TENM2: variants seen among roughly 807,000 people sequenced by gnomAD.
TENM2 encodes teneurin transmembrane protein 2.
TENM2 carries 52 observed loss-of-function variants against 245.2 expected under a neutral mutation model. The observed-to-expected ratio is 0.21, with a 90% CI of 0.17 to 0.27. The LOEUF is 0.27. TENM2 is among the 10% of genes least tolerant of loss of function. The pLI is 1.00. For synonymous variants in TENM2, 1,363 were observed against 1,438.9 expected (o/e 0.95, Z 1.19); for missense variants, 3,046 against 3,666.8 (o/e 0.83, Z 4.37).
intron 2 of TENM2, among the ~76,000 whole-genome samples, chr5:167,543,827 A>G (rs769555529): frequency 8.5e-5 from 13 of 152,146 alleles, no homozygotes; most frequent in Non-Finnish European, 1.9e-4. Context: ...CTTGTGTCAC[A>G]CAGAGTTCCC....
At chr5:167,443,510 G>T (rs1221287360) in intron 2 of TENM2, among the ~76,000 whole-genome samples, 1 of 152,080 alleles carries the variant, frequency 6.6e-6, no homozygotes, top group African/African-American at 2.4e-5. Context: ...ACCTGCCGTA[G>T]ACTTCATTTG....
intron 1 of TENM2, among the ~76,000 whole-genome samples, chr5:167,338,378 G>A (rs909188766): frequency 4.6e-5 from 7 of 152,068 alleles, no homozygotes; most frequent in East Asian, 3.9e-4. Flanking sequence ...TGTCCATTAC[G>A]GGTTAACTAG....
chr5:166,983,217 A>G, the TENM2 span, among the ~76,000 whole-genome samples: 1 of 152,126 alleles, frequency 6.6e-6, no homozygotes, highest in Non-Finnish European at 1.5e-5. Flanking sequence ...TGTTTTCCCT[A>G]AAATTAATGT....
intron 2 of TENM2, among the ~76,000 whole-genome samples, chr5:167,401,038 CTG>C (rs1364041022): frequency 1.3e-5 from 2 of 151,994 alleles, no homozygotes; most frequent in African/African-American, 2.4e-5. Flanking sequence ...CTGCAGTAAA[CTG>C]TGATTTTGCC....
chr5:167,625,121 A>G (rs754406033), intron 2 of TENM2, among the ~76,000 whole-genome samples: 1 of 152,138 alleles, frequency 6.6e-6, no homozygotes, highest in Non-Finnish European at 1.5e-5. Flanking sequence ...ACAGGGAGAC[A>G]TGTTTAGACT....
At chr5:167,245,254 G>A in the TENM2 span, among the ~76,000 whole-genome samples, 7 of 152,270 alleles carry the variant, frequency 4.6e-5, no homozygotes, top group South Asian at 1.0e-3. Context: ...TGGGCAAACG[G>A]CAAAGAAACT....
At chr5:167,991,589 C>T (rs916290217) in intron 4 of TENM2, among the ~76,000 whole-genome samples, 15 of 152,170 alleles carry the variant, frequency 9.9e-5, no homozygotes, top group African/African-American at 3.4e-4. Flanking sequence ...GCGACAGACT[C>T]CCGACCCTGA....
chr5:167,242,944 T>C, the TENM2 span, among the ~76,000 whole-genome samples: 4 of 151,820 alleles, frequency 2.6e-5, no homozygotes, highest in East Asian at 1.9e-4. Context: ...AAACGCAAAA[T>C]AGAATCTTTC....
intron 4 of TENM2, among the ~76,000 whole-genome samples, chr5:167,961,022 G>A (rs749059472): frequency 1.4e-4 from 21 of 152,208 alleles, no homozygotes; most frequent in Non-Finnish European, 3.1e-4. Context: ...CCCTCTGTGG[G>A]CTGTACCCAC....
At chr5:167,339,619 T>A (rs1358293531) in intron 1 of TENM2, among the ~76,000 whole-genome samples, 1 of 152,146 alleles carries the variant, frequency 6.6e-6, no homozygotes, top group African/African-American at 2.4e-5. Flanking sequence ...TTTTTTATTT[T>A]TTGCATTTTA....
Position 168,062,673 on chromosome 5 carries a change from G to A in TENM2, c.1515+408G>A, listed in dbSNP as rs576272458. Among the ~76,000 whole-genome samples the A allele has an allele frequency of 2.0e-4, 31 of 152,230 alleles. No homozygotes were observed. The South Asian group carries it at 3.1e-3, about 15-fold the overall frequency. ...TGGCTAAACAAAATCCGATATAGCC[G>A]TACCATTAGTCAGATATAGAAAGGA... On this transcript the variant is annotated intron_variant, in intron 7 of 28. Coordinates refer to ENST00000518659, the Ensembl canonical transcript of TENM2.
At chr5:167,033,864 A>C in the TENM2 span, among the ~76,000 whole-genome samples, 1 of 152,218 alleles carries the variant, frequency 6.6e-6, no homozygotes, top group Non-Finnish European at 1.5e-5. Flanking sequence ...GTCATTCAAC[A>C]TGTGTGACTC....
chr5:167,028,751 T>C, the TENM2 span, among the ~76,000 whole-genome samples: 1 of 152,112 alleles, frequency 6.6e-6, no homozygotes, highest in Non-Finnish European at 1.5e-5. Flanking sequence ...TCCAATTCAA[T>C]GTGTCCGCTC....
At chr5:167,109,604 A>G in the TENM2 span, among the ~76,000 whole-genome samples, 1 of 152,134 alleles carries the variant, frequency 6.6e-6, no homozygotes, top group Admixed American at 6.5e-5. Flanking sequence ...CAGTGCTATA[A>G]ACCCTTTAAT....
At chr5:168,120,254 A>G (rs938116294) in intron 10 of TENM2, among the ~76,000 whole-genome samples, 2 of 152,156 alleles carry the variant, frequency 1.3e-5, no homozygotes, top group Admixed American at 1.3e-4. Flanking sequence ...TTTTTCCTCT[A>G]TTATAAAAGG....
chr5:167,118,111 T>C, the TENM2 span, among the ~76,000 whole-genome samples: 1 of 152,362 alleles, frequency 6.6e-6, no homozygotes, highest in Admixed American at 6.5e-5. Flanking sequence ...TGTTATTTTA[T>C]CAAGACTATT....
chr5:168,022,634 G>A (rs1289816828), intron 5 of TENM2, among the ~76,000 whole-genome samples: 1 of 152,186 alleles, frequency 6.6e-6, no homozygotes, highest in Non-Finnish European at 1.5e-5. Flanking sequence ...AAAATAGTGG[G>A]GGTGAAGGAA....
At chr5:167,890,396 A>C (rs994697651) in intron 3 of TENM2, among the ~76,000 whole-genome samples, 1 of 152,112 alleles carries the variant, frequency 6.6e-6, no homozygotes, top group Non-Finnish European at 1.5e-5. Context: ...ATCATCACTT[A>C]TGTTTGTGTA....
chr5:167,842,406 TG>T (rs1276378185), intron 2 of TENM2, among the ~76,000 whole-genome samples: 51 of 151,820 alleles, frequency 3.4e-4, no homozygotes, highest in Admixed American at 6.6e-5. Flanking sequence ...CTGGCCAACT[TG>T]GTGAAAGACT....
Sources: gnomAD v4.1 joint callset for allele counts (sites outside exome capture counted in the v4.1 genomes callset) on GRCh38, gnomAD v4.1.1 for gene constraint, MANE v1.5 for transcripts, NCBI Gene and HGNC (gene_info 2026-07-23, HGNC 2026-07-21) for gene names.